RAPGEF6: variants seen among roughly 807,000 people sequenced by gnomAD.
RAPGEF6 encodes the protein Rap guanine nucleotide exchange factor 6.
A neutral mutation model predicts 171.4 loss-of-function variants in RAPGEF6; 56 were observed. The ratio of observed to expected loss-of-function variants is 0.33; its 90% CI spans 0.26 to 0.41. RAPGEF6 has a LOEUF of 0.41. Ranked by LOEUF, RAPGEF6 falls within the 10% of genes least tolerant of loss-of-function variation. RAPGEF6 has a pLI of 1.00. For missense variants in RAPGEF6, 1,674 were observed against 1,921.4 expected (o/e 0.87, Z 2.41); for synonymous variants, 692 against 650.1 (o/e 1.06, Z -0.98).
chr5:131,452,036 C>T (rs181226215), intron 21 of RAPGEF6, among the ~76,000 whole-genome samples: 4 of 151,982 alleles, frequency 2.6e-5, no homozygotes, highest in Admixed American at 6.6e-5. Flanking sequence ...ATCGAGACCA[C>T]GGTGAAACCT....
intron 20 of RAPGEF6, among the ~76,000 whole-genome samples, chr5:131,455,431 TG>T (rs1376192582): frequency 6.6e-6 from 1 of 152,180 alleles, no homozygotes; most frequent in African/African-American, 2.4e-5. Context: ...GCTAATCTTT[TG>T]TTATTTTTAG....
At position 131,461,887 on chromosome 5, in the gene RAPGEF6, T is replaced by C; in HGVS notation, c.2682A>G (p.Lys894=). The change falls in exon 19 of 28, where the codon AAA becomes AAG. Residue 894 remains lysine (K), a synonymous_variant. Coordinates refer to ENST00000509018, the MANE Select transcript of RAPGEF6 (RefSeq NM_016340.6). ...ACCTCTTCAAATGAGTATTTCCTGTTTTGGAATTTAACTTAAAAAGGTCAT... is the reference window on the plus strand; with the variant it reads ...ACCTCTTCAAATGAGTATTTCCTGTCTTGGAATTTAACTTAAAAAGGTCAT... The part of the protein sequence containing the change: ...YIDDLFKLNS[K]TGNTHLKRFE... 2 of 1,614,086 alleles carry C rather than the reference T, an allele frequency of 1.2e-6. No individual in the cohort carries two copies. Among genetic ancestry groups the C allele is most frequent in the South Asian group, 1.1e-5 (1 of 91,076 alleles).
chr5:131,611,609 T>C (rs773372397), intron 1 of RAPGEF6, among the ~76,000 whole-genome samples: 3 of 152,178 alleles, frequency 2.0e-5, no homozygotes, highest in Admixed American at 6.5e-5. Flanking sequence ...GAGGTAGAGG[T>C]TGCAGTGAGC....
intron 6 of RAPGEF6, among the ~76,000 whole-genome samples, chr5:131,531,874 G>A (rs1436093667): frequency 6.6e-6 from 1 of 151,890 alleles, no homozygotes; most frequent in Non-Finnish European, 1.5e-5. Flanking sequence ...CATCTCAAAT[G>A]CACTGCATTT....
At chr5:131,440,012 A>G (rs1752274218) in intron 23 of RAPGEF6, 3 of 427,766 alleles carry the variant, frequency 7.0e-6, no homozygotes, top group Non-Finnish European at 1.3e-5. Flanking sequence ...ACCTCCCACA[A>G]TTGACACAGT....
intron 17 of RAPGEF6, among the ~76,000 whole-genome samples, chr5:131,470,301 A>C (rs878911246): frequency 1.3e-5 from 2 of 152,338 alleles, no homozygotes; most frequent in Admixed American, 6.5e-5. Flanking sequence ...ACATGTTCTC[A>C]AGGAGAGAAT....
chr5:131,504,637 T>C lies in RAPGEF6; in HGVS notation c.1243A>G (p.Ile415Val). ...LDRSGTRKGHIVIKATPERLI... is the reference protein window; with the variant it reads ...LDRSGTRKGHVVIKATPERLI... ...GTAAAAACACCCACCTTGATCACAATGTGTCCTTTCCTGGTTCCACTCCGG... is the reference window on the plus strand; with the variant it reads ...GTAAAAACACCCACCTTGATCACAACGTGTCCTTTCCTGGTTCCACTCCGG... Residue 415 changes from isoleucine to valine, a missense_variant, in exon 11 of 28, where the codon ATT becomes GTT. By Grantham distance (29) the Ile-to-Val change is conservative. Around this residue, in one of 3 missense-constraint regions of RAPGEF6, gnomAD observed 1,116 missense variants for 1,321.5 expected, o/e 0.84. Transcript: ENST00000509018. 1.2e-6 allele frequency: 2 copies of C among 1,604,980 alleles called. No individual in the cohort carries two copies. Among genetic ancestry groups the C allele is most frequent in the African/African-American group, 1.3e-5 (1 of 74,270 alleles).
In RAPGEF6 at chr5:131,521,534, ATAATT is replaced by A. The variant is rs780634720; in HGVS notation, c.496-18_496-14del. On this transcript the variant is annotated splice_polypyrimidine_tract_variant and intron_variant, in intron 6 of 27. Transcript: ENST00000509018. ...GATCAGCTGGAAGCTGAAAAAAAAA[ATAATT>A]TAAGTTATTCTAAATGTCAAGCTTT... is the stretch of plus-strand genomic sequence containing the variant. The A allele has an allele frequency of 2.5e-6, 4 of 1,584,752 alleles. No individual in the cohort carries two copies. In the African/African-American group the frequency reaches 4.1e-5, roughly 16 times the overall value.
At chr5:131,511,559 A>C (rs1346358955) in intron 7 of RAPGEF6, among the ~76,000 whole-genome samples, 13 of 147,342 alleles carry the variant, frequency 8.8e-5, no homozygotes. Context: ...TGTGCACTGC[A>C]GATCTCGGCT....
chr5:131,473,359 T>C (rs1271275753), intron 16 of RAPGEF6, among the ~76,000 whole-genome samples: 1 of 152,218 alleles, frequency 6.6e-6, no homozygotes, highest in Non-Finnish European at 1.5e-5. Flanking sequence ...TCTAATTATT[T>C]AAGCAAACAA....
Position 131,433,446 on chromosome 5 carries a change from T to C in RAPGEF6, c.3958A>G (p.Ser1320Gly). The change falls in exon 25 of 28, where the codon AGT becomes GGT. Residue 1320 changes from serine (S) to glycine (G), a missense_variant. Ser to Gly is a moderately conservative substitution (Grantham distance 56). Around this residue, in one of 3 missense-constraint regions of RAPGEF6, gnomAD observed 552 missense variants for 574.2 expected, o/e 0.96. Coordinates refer to ENST00000509018, the MANE Select transcript of RAPGEF6 (RefSeq NM_016340.6). ...TEHASGIGDH[S>G]QHGPGWTLLK... Reference sequence around the variant, plus strand: ...GATGCTTACCCAGGGCCATGTTGACTATGATCTCCTATCCCTGAAGCGTGC... The same window carrying C: ...GATGCTTACCCAGGGCCATGTTGACCATGATCTCCTATCCCTGAAGCGTGC... 1 of 1,611,816 alleles carries C rather than the reference T, an allele frequency of 6.2e-7. No homozygotes were observed. The highest frequency in any genetic ancestry group is 8.5e-7 in the Non-Finnish European group (1 of 1,177,840).
chr5:131,498,357 T>A (rs1461885564), intron 12 of RAPGEF6, 86 bp downstream of exon 12: 2 of 1,241,876 alleles, frequency 1.6e-6, no homozygotes, highest in East Asian at 4.8e-5. Flanking sequence ...CTTATTATCA[T>A]AATAAACAGG....
intron 14 of RAPGEF6, among the ~76,000 whole-genome samples, chr5:131,491,061 T>C (rs1454958002): frequency 6.6e-6 from 1 of 152,106 alleles, no homozygotes; most frequent in Non-Finnish European, 1.5e-5. Context: ...TTCACGTGTG[T>C]GTGTGTGTGT....
At chr5:131,516,472 T>G (rs1758092570) in intron 7 of RAPGEF6, among the ~76,000 whole-genome samples, 1 of 152,162 alleles carries the variant, frequency 6.6e-6, no homozygotes, top group African/African-American at 2.4e-5. Flanking sequence ...GAGCTGTGCA[T>G]TAGGAAATCA....
chr5:131,477,164 A>G (rs994204980), intron 16 of RAPGEF6, among the ~76,000 whole-genome samples: 1 of 152,176 alleles, frequency 6.6e-6, no homozygotes, highest in Non-Finnish European at 1.5e-5. Flanking sequence ...GATGACTGTC[A>G]AGAAATATAA....
chr5:131,618,828 C>T (rs971850115), intron 1 of RAPGEF6, among the ~76,000 whole-genome samples: 11 of 151,954 alleles, frequency 7.2e-5, no homozygotes, highest in Admixed American at 7.2e-4. Context: ...AAAAGAGATG[C>T]AGATGATCCT....
intron 15 of RAPGEF6, among the ~76,000 whole-genome samples, chr5:131,483,831 T>G (rs1219649009): frequency 6.6e-6 from 1 of 152,110 alleles, no homozygotes; most frequent in Non-Finnish European, 1.5e-5. Flanking sequence ...CCGGGCGTGG[T>G]GGCTCACACC....
At chr5:131,633,866 G>A (rs1299391472) in intron 1 of RAPGEF6, among the ~76,000 whole-genome samples, 2 of 152,120 alleles carry the variant, frequency 1.3e-5, no homozygotes, top group African/African-American at 4.8e-5. Flanking sequence ...AGCTCACATT[G>A]ACTTCAAGAA....
chr5:131,573,032 G>C (rs1762397077), intron 4 of RAPGEF6, among the ~76,000 whole-genome samples: 1 of 152,024 alleles, frequency 6.6e-6, no homozygotes, highest in African/African-American at 2.4e-5. Context: ...ACTCATCCCA[G>C]ACTTTCCTTC....
Sources: gnomAD v4.1 joint callset for allele counts (sites outside exome capture counted in the v4.1 genomes callset) on GRCh38, gnomAD v4.1.1 for gene constraint, gnomAD v4.1.1 regional missense constraint, MANE v1.5 for transcripts, NCBI Gene and HGNC (gene_info 2026-07-23, HGNC 2026-07-21) for gene names.